MROH6: variants seen among roughly 807,000 people sequenced by gnomAD.
The protein encoded by MROH6 is maestro heat like repeat family member 6, also known as maestro heat-like repeat-containing protein family member 6.
MROH6 carries 62 observed loss-of-function variants against 67.7 expected under a neutral mutation model. The ratio of observed to expected loss-of-function variants is 0.92; its 90% CI spans 0.75 to 1.13. The LOEUF is 1.13. Ranked by LOEUF, MROH6 falls within the 50% of genes most tolerant of loss-of-function variation. The probability of loss-of-function intolerance (pLI) is 0.00; values close to 1 mark genes in which losing one functional copy is unlikely to be tolerated. For missense variants in MROH6, 1,175 were observed against 1,029.1 expected (o/e 1.14, Z -1.94); for synonymous variants, 566 against 470.8 (o/e 1.20, Z -2.62).
rs754090618 is a variant in MROH6, at chr8:143,568,690, G to C, written c.1506C>G (p.Val502=). ...DTRDSIRASA[V]GLLGTLVRRG... ...GGCGCACCAGAGTCCCAAGGAGCCC[G>C]ACGGCCGAGGCGCGGATTGAGTCCC... The change falls in exon 10 of 14, where the codon GTC becomes GTG. Residue 502 remains valine, a synonymous_variant. Coordinates refer to ENST00000398882, the MANE Select transcript of MROH6 (RefSeq NM_001100878.2). The C allele has an allele frequency of 6.6e-7, 1 of 1,511,166 alleles. No individual in the cohort carries two copies. Among genetic ancestry groups the C allele is most frequent in the Non-Finnish European group, 8.8e-7 (1 of 1,134,554 alleles). The allele number at this position is 1,511,166 out of a possible 1,614,324, so 93.6% of individuals were successfully genotyped here.
In MROH6 at chr8:143,570,978, A is replaced by G. The variant is rs983873582; in HGVS notation, c.619T>C (p.Trp207Arg). Residue 207 changes from tryptophan (W) to arginine (R), a missense_variant, in exon 4 of 14, where the codon TGG (tryptophan) becomes CGG (arginine). Trp to Arg is a moderately radical substitution (Grantham distance 101). Transcript: ENST00000398882. ...LPADRVAAEL[W>R]RSLSRNQRVN... ...CGCTGGTTACGGCTTAGGCTGCGCCAGAGCTCGGCTGCTACCCTGAGGGTT... is the reference window on the plus strand; with the variant it reads ...CGCTGGTTACGGCTTAGGCTGCGCCGGAGCTCGGCTGCTACCCTGAGGGTT... The G allele has an allele frequency of 6.5e-7, 1 of 1,548,790 alleles. No individual in the cohort carries two copies. Among genetic ancestry groups the G allele is most frequent in the African/African-American group, 1.4e-5 (1 of 72,974 alleles).
Position 143,572,457 on chromosome 8 carries a change from G to C in MROH6, c.258C>G (p.Asn86Lys). 1 of 1,598,696 alleles carries C rather than the reference G, an allele frequency of 6.3e-7. No individual in the cohort carries two copies. The change falls in exon 1 of 14, where the codon AAC becomes AAG. Residue 86 changes from asparagine to lysine, a missense_variant. Asn to Lys is a moderately conservative substitution (Grantham distance 94, BLOSUM62 0). Coordinates refer to ENST00000398882, the MANE Select transcript of MROH6 (RefSeq NM_001100878.2). ...CCTCAGGGGCTGGTTCCAGGGCACT[G>C]TTGAGGGAGCAGGGCTCGCTGCCAG... is the stretch of plus-strand genomic sequence containing the variant. ...PEAGSEPCSLNSALEPAPEGP... is the reference protein window; with the variant it reads ...PEAGSEPCSLKSALEPAPEGP...
At chr8:143,569,016 G>A (rs1587012035) in intron 9 of MROH6, 1 of 367,848 alleles carries the variant, frequency 2.7e-6, no homozygotes, top group East Asian at 4.3e-5. Flanking sequence ...AGGGGCGGGG[G>A]CGGTCAGGAG....
Position 143,567,829 on chromosome 8 carries a change from C to A in MROH6, c.1824G>T (p.Arg608=). ...NFLSQTQGYL[R]SPQDPLRRAA... is the part of the protein sequence containing the mutation. ...CCCGGCGCAGGGGGTCCTGTGGACT[C>A]CGCAGGTAGCCCTGGGTCTGGCTCA... is the stretch of plus-strand genomic sequence containing the variant. Residue 608 remains arginine (R), a synonymous_variant, in exon 12 of 14, where the codon CGG becomes CGT. Transcript: ENST00000398882. 2.0e-6 allele frequency: 3 copies of A among 1,532,602 alleles called. No homozygotes were observed. The highest frequency in any genetic ancestry group is 2.6e-6 in the Non-Finnish European group (3 of 1,140,634). 94.9% of individuals were successfully genotyped at this position (1,532,602 alleles called of 1,614,324 possible).
chr8:143,570,609 C>A lies in MROH6; in HGVS notation c.769G>T (p.Ala257Ser). 6.2e-7 allele frequency: 1 copy of A among 1,601,832 alleles called. No individual in the cohort carries two copies. Among genetic ancestry groups the A allele is most frequent in the Middle Eastern group, 1.7e-4 (1 of 6,060 alleles). Residue 257 changes from alanine (A) to serine (S), a missense_variant, in exon 5 of 14, where the codon GCC (alanine) becomes TCC (serine). By Grantham distance (99) the Ala-to-Ser change is moderately conservative. Transcript: ENST00000398882. Reference sequence around the variant, plus strand: ...AGATGTGGGTAGAAGCCCCTCGTGGCTCCCACGCAGCCCGAAACAGCCAGC... The same window carrying A: ...AGATGTGGGTAGAAGCCCCTCGTGGATCCCACGCAGCCCGAAACAGCCAGC... ...EMLAVSGCVG[A>S]TRGFYPHLLL...
At position 143,568,216 on chromosome 8, in the gene MROH6, C is replaced by T. The variant is rs772590271; in HGVS notation, c.1690G>A (p.Gly564Ser). The change falls in exon 11 of 14, where the codon GGC becomes AGC. Residue 564 changes from glycine to serine, a missense_variant. Coordinates refer to ENST00000398882, the MANE Select transcript of MROH6 (RefSeq NM_001100878.2). ...ACGGTGACCAACTCCTCCAGCAGGC[C>T]CCAGCAAAAGGCGTGGTCACAGCGG... ...LARCDHAFCW[G>S]LLEELVTVAH... 3 of 1,611,262 alleles carry T rather than the reference C, an allele frequency of 1.9e-6. No individual in the cohort carries two copies. Among genetic ancestry groups the T allele is most frequent in the Non-Finnish European group, 1.7e-6 (2 of 1,179,310 alleles).
At position 143,567,614 on chromosome 8, in the gene MROH6, G is replaced by A; in HGVS notation, c.1930C>T (p.Gln644Ter). ...VNQDLLDSLFQDLGRLQSDPK... is the reference protein window; with the variant it reads ...VNQDLLDSLF ...CCCTGGCAAGGTGGGGCCTCACCCT[G>A]GAACAGGGAGTCCAGCAGGTCCTGG... Residue 644 changes from glutamine (Q) to a stop codon, truncating the protein, a stop_gained, in exon 13 of 14, where the codon CAG becomes TAG. Coordinates refer to ENST00000398882, the MANE Select transcript of MROH6 (RefSeq NM_001100878.2). LOFTEE classifies it low-confidence loss of function (END_TRUNC). 1 of 1,561,250 alleles carries A rather than the reference G, an allele frequency of 6.4e-7. No individual in the cohort carries two copies.
At chr8:143,569,899 AG>A (rs1823903464) in intron 7 of MROH6, 51 bp downstream of exon 7, 1 of 1,610,388 alleles carries the variant, frequency 6.2e-7, no homozygotes, top group Non-Finnish European at 8.5e-7. Context: ...GCTGCGATTC[AG>A]GGATCAAGTC....
rs1159348695 is a variant in MROH6, at chr8:143,570,642, C to G, written c.736G>C (p.Gly246Arg). ...PQALAATRAL[G>R]EMLAVSGCVG... ...CAGCCCGAAACAGCCAGCATCTCCC[C>G]AAGAGCACGTGTGGCCTGTGGAGCA... The change falls in exon 5 of 14, where the codon GGG becomes CGG. Residue 246 changes from glycine (G) to arginine (R), a missense_variant. By Grantham distance (125) the Gly-to-Arg change is moderately radical. Coordinates refer to ENST00000398882, the MANE Select transcript of MROH6 (RefSeq NM_001100878.2). The G allele has an allele frequency of 2.5e-6, 4 of 1,597,096 alleles. No homozygotes were observed. Among genetic ancestry groups the G allele is most frequent in the East Asian group, 2.2e-5 (1 of 44,860 alleles).
In MROH6 at chr8:143,567,651, G is replaced by T; in HGVS notation, c.1893C>A (p.Pro631=). 1 of 1,575,210 alleles carries T rather than the reference G, an allele frequency of 6.3e-7. No individual in the cohort carries two copies. The change falls in exon 13 of 14, where the codon CCC becomes CCA. Residue 631 remains proline (P), a synonymous_variant. Coordinates refer to ENST00000398882, the MANE Select transcript of MROH6 (RefSeq NM_001100878.2). ...CCAGCAGGTCCTGGTTGACACAGCC[G>T]GGGCTGGCGTGGTGGACAAGGAAGC... ...LIGFLVHHAS[P]GCVNQDLLDS... is the part of the protein sequence containing the mutation.
rs1331247932 is a variant in MROH6 at position 143,567,342 on chromosome 8, A to T, written c.2057T>A (p.Ile686Asn). The T allele has an allele frequency of 3.3e-6, 4 of 1,220,350 alleles. No homozygotes were observed. The highest frequency in any genetic ancestry group is 4.1e-6 in the Non-Finnish European group (4 of 980,364). 75.6% of individuals were successfully genotyped at this position (1,220,350 alleles called of 1,614,324 possible). A position where few individuals can be genotyped will look rare whatever the true frequency, so the allele number is the denominator to read the frequency against. ...GCPRGPRLLR[I>N]APRPARPPPV... Reference sequence around the variant, plus strand: ...TGGGGGCCGGGCGGGGCGCGGGGCGATGCGGAGAAGGCGGGGCCCGCGGGG... The same window carrying T: ...TGGGGGCCGGGCGGGGCGCGGGGCGTTGCGGAGAAGGCGGGGCCCGCGGGG... The change falls in exon 14 of 14, where the codon ATC (isoleucine) becomes AAC (asparagine). Residue 686 changes from isoleucine (I) to asparagine (N), a missense_variant. Transcript: ENST00000398882.
rs1446385788 is a variant in MROH6 at position 143,572,554 on chromosome 8, G to A, written c.161C>T (p.Ala54Val). The change falls in exon 1 of 14, where the codon GCT becomes GTT. Residue 54 changes from alanine to valine, a missense_variant. Ala to Val is a moderately conservative substitution (Grantham distance 64, BLOSUM62 0). Coordinates refer to ENST00000398882, the MANE Select transcript of MROH6 (RefSeq NM_001100878.2). Reference sequence around the variant, plus strand: ...GGTGAGTGCCTGGGTCTGTGGCTCAGCCTCAGGTTTGACCTCCCAGGACTT... The same window carrying A: ...GGTGAGTGCCTGGGTCTGTGGCTCAACCTCAGGTTTGACCTCCCAGGACTT... ...QPKSWEVKPE[A>V]EPQTQALTAP... is the part of the protein sequence containing the mutation. The A allele has an allele frequency of 6.2e-7, 1 of 1,606,900 alleles. No homozygotes were observed. The highest frequency in any genetic ancestry group is 1.1e-5 in the South Asian group (1 of 90,102).
rs933294909 is a variant in MROH6, at chr8:143,567,404, A to G, written c.1995T>C (p.Ala665=). The G allele has an allele frequency of 2.3e-6, 3 of 1,287,018 alleles. No individual in the cohort carries two copies. The Admixed American group carries it at 1.2e-4, about 51-fold the overall frequency. 79.7% of individuals were successfully genotyped at this position (1,287,018 alleles called of 1,614,324 possible). ...CACGGGCCAGCATCGCCACCTGCTG[A>G]GCGGACACGTGCGCTGCCGCGGCCA... ...PAVAAAAHVS[A]QQVAMLARAR... Residue 665 remains alanine, a synonymous_variant, in exon 14 of 14, where the codon GCT becomes GCC. Transcript: ENST00000398882.
At position 143,567,624 on chromosome 8, in the gene MROH6, G is replaced by C; in HGVS notation, c.1920C>G (p.Asp640Glu). 1 of 1,565,526 alleles carries C rather than the reference G, an allele frequency of 6.4e-7. No individual in the cohort carries two copies. ...SPGCVNQDLL[D>E]SLFQDLGRLQ... is the part of the protein sequence containing the mutation. ...GTGGGGCCTCACCCTGGAACAGGGA[G>C]TCCAGCAGGTCCTGGTTGACACAGC... The change falls in exon 13 of 14, where the codon GAC becomes GAG. Residue 640 changes from aspartate to glutamate, a missense_variant. By Grantham distance (45) the Asp-to-Glu change is conservative. Coordinates refer to ENST00000398882, the MANE Select transcript of MROH6 (RefSeq NM_001100878.2).
At position 143,567,887 on chromosome 8, in the gene MROH6, AC is replaced by A; in HGVS notation, c.1765del (p.Val589PhefsTer12). ...EALSHLCCRLVQRYPGHVPNF... is the reference protein window; with the variant it reads ...EALSHLCCRLXQRYPGHVPNF... ...GGGCACGTGGCCTGGGTATCGCTGA[AC>A]CTGGGGACAAAAGGGCTAGTGGCAG... On this transcript the variant is annotated frameshift_variant and splice_region_variant, in exon 12 of 14. Transcript: ENST00000398882. LOFTEE classifies it high-confidence loss of function. 6.6e-7 allele frequency: 1 copy of A among 1,521,740 alleles called. No individual in the cohort carries two copies. Among genetic ancestry groups the A allele is most frequent in the Non-Finnish European group, 8.8e-7 (1 of 1,136,452 alleles). 94.3% of individuals were successfully genotyped at this position (1,521,740 alleles called of 1,614,324 possible).
At position 143,567,170 on chromosome 8, in the gene MROH6, C is replaced by A. The variant is rs933991448; in HGVS notation, c.*69G>T. On this transcript the variant is annotated 3_prime_UTR_variant, in exon 14 of 14. Transcript: ENST00000398882. Reference sequence around the variant, plus strand: ...GGCCCAGGGAGCCCCTCCGTCAGGGCGGGGACAGGCTGCTATGCGCGTGGG... The same window carrying A: ...GGCCCAGGGAGCCCCTCCGTCAGGGAGGGGACAGGCTGCTATGCGCGTGGG... The A allele has an allele frequency of 1.1e-6, 1 of 891,624 alleles. No individual in the cohort carries two copies. The highest frequency in any genetic ancestry group is 3.5e-5 in the East Asian group (1 of 28,278). 55.2% of individuals were successfully genotyped at this position (891,624 alleles called of 1,614,324 possible). A position where few individuals can be genotyped will look rare whatever the true frequency, so the allele number is the denominator to read the frequency against.
chr8:143,571,543 G>A (rs1345572853), intron 3 of MROH6, 124 bp downstream of exon 3: 46 of 1,297,006 alleles, frequency 3.5e-5, no homozygotes, highest in Middle Eastern at 2.5e-4. Flanking sequence ...ATGAGTCATC[G>A]CGGGGCTGGA....
In MROH6 at chr8:143,569,457, G is replaced by A. The variant is rs769679487; in HGVS notation, c.1460C>T (p.Pro487Leu). Residue 487 changes from proline to leucine, a missense_variant, in exon 9 of 14, where the codon CCT (proline) becomes CTT (leucine). Transcript: ENST00000398882. ...LLSAELGPRLPPLLDDTRDSI... is the reference protein window; with the variant it reads ...LLSAELGPRLLPLLDDTRDSI... ...TTTGCTCACGTCGTCCAGTAGCGGA[G>A]GGAGGCGCGGTCCCAGCTCCGCGCT... is the stretch of plus-strand genomic sequence containing the variant. The A allele has an allele frequency of 6.8e-6, 10 of 1,460,682 alleles. No individual in the cohort carries two copies. The highest frequency in any genetic ancestry group is 9.0e-6 in the Non-Finnish European group (10 of 1,116,954). 90.5% of individuals were successfully genotyped at this position (1,460,682 alleles called of 1,614,324 possible). A position where few individuals can be genotyped will look rare whatever the true frequency, so the allele number is the denominator to read the frequency against.
At position 143,570,528 on chromosome 8, in the gene MROH6, CGGG is replaced by C; in HGVS notation, c.847_849del (p.Pro283del). On this transcript the variant is annotated inframe_deletion, in exon 5 of 14. Coordinates refer to ENST00000398882, the MANE Select transcript of MROH6 (RefSeq NM_001100878.2). The stretch of plus-strand genomic sequence containing the variant: ...GACAGAACCCAAATCTTGGGCATGT[CGGG>C]GGAGCACGGGCTGCGGGCCAGCTTG... 1 of 1,612,118 alleles carries C rather than the reference CGGG, an allele frequency of 6.2e-7. No individual in the cohort carries two copies. Among genetic ancestry groups the C allele is most frequent in the South Asian group, 1.1e-5 (1 of 91,076 alleles).
Sources: gnomAD v4.1 joint callset for allele counts on GRCh38, gnomAD v4.1.1 for gene constraint, MANE v1.5 for transcripts, NCBI Gene and HGNC (gene_info 2026-07-23, HGNC 2026-07-21) for gene names.